The following ATP8B1 variants were observed in gnomAD, a reference collection of about 807,000 sequenced individuals.
ATP8B1 encodes phospholipid-transporting ATPase IC.
In ATP8B1, 80 loss-of-function variants were observed where a neutral mutation model predicts 149.9. The ratio of observed to expected loss-of-function variants is 0.53; its 90% CI spans 0.45 to 0.64. ATP8B1 has a LOEUF of 0.64. Ranked by LOEUF, ATP8B1 falls within the 30% of genes least tolerant of loss-of-function variation. The pLI is 0.00. For missense variants in ATP8B1, 1,247 were observed against 1,552.6 expected, an observed-to-expected ratio of 0.80 and a Z score of 3.31; for synonymous variants, 536 against 562.8, an observed-to-expected ratio of 0.95 and a Z score of 0.67.
At chr18:57,785,973 A>T (rs2080404479) in intron 1 of ATP8B1, among the ~76,000 whole-genome samples, 1 of 152,188 alleles carries the variant, frequency 6.6e-6, no homozygotes, top group African/African-American at 2.4e-5. Flanking sequence ...AACAGCCAAC[A>T]ATTATTGGTT....
intron 1 of ATP8B1, 111 bp from the exon 2 acceptor site, chr18:57,731,943 A>ACCCCCAAATTCTGG: frequency 9.6e-7 from 1 of 1,045,938 alleles, no homozygotes; most frequent in Non-Finnish European, 1.5e-6. Context: ...TCTAACATGT[A>ACCCCCAAATTCTGG]AATATTCTGG....
At chr18:57,665,095 T>C (rs529527402) in intron 20 of ATP8B1, among the ~76,000 whole-genome samples, 77 of 151,860 alleles carry the variant, frequency 5.1e-4, no homozygotes, top group African/African-American at 1.8e-3. Context: ...TGCCAAAGGG[T>C]CCCTGGAAGG....
chr18:57,727,587 G>A (rs377154995), intron 2 of ATP8B1, among the ~76,000 whole-genome samples: 1 of 152,070 alleles, frequency 6.6e-6, no homozygotes, highest in Non-Finnish European at 1.5e-5. Flanking sequence ...TCAGGAGATC[G>A]AGACCATCCT....
Position 57,752,837 on chromosome 18 carries a change from C to T in ATP8B1, c.-25-21005G>A, listed in dbSNP as rs533341003. 2.0e-5 allele frequency among the ~76,000 whole-genome samples: 3 copies of T among 152,284 alleles called. No homozygotes were observed. In the East Asian group the frequency reaches 5.8e-4, roughly 29 times the overall value. On this transcript the variant is annotated intron_variant, in intron 1 of 27. Transcript: ENST00000648908. Reference sequence around the variant, plus strand: ...TCTGCAATAGCTCCATTGCCCAGAACAGCATGTAACACACAGTAGAACTTT... The same window carrying T: ...TCTGCAATAGCTCCATTGCCCAGAATAGCATGTAACACACAGTAGAACTTT...
intron 1 of ATP8B1, among the ~76,000 whole-genome samples, chr18:57,790,341 A>G (rs1230842319): frequency 8.5e-6 from 1 of 117,932 alleles, no homozygotes; most frequent in Non-Finnish European, 1.7e-5. Context: ...CCCATTCCCC[A>G]TATCGCAGTC....
chr18:57,648,786 A>AGAAAT, intron 27 of ATP8B1, 74 bp from the exon 28 acceptor site: 1 of 1,447,732 alleles, frequency 6.9e-7, no homozygotes, highest in Non-Finnish European at 9.4e-7. Flanking sequence ...GACGGTTGAC[A>AGAAAT]GAAATGAACA....
chr18:57,659,525 G>A (rs1910249531), intron 22 of ATP8B1, among the ~76,000 whole-genome samples: 1 of 152,028 alleles, frequency 6.6e-6, no homozygotes, highest in Admixed American at 6.6e-5. Flanking sequence ...TGTTTGACTT[G>A]TCCTTTTGGC....
intron 1 of ATP8B1, among the ~76,000 whole-genome samples, chr18:57,789,052 C>T (rs541903184): frequency 6.6e-6 from 1 of 152,206 alleles, no homozygotes; most frequent in Non-Finnish European, 1.5e-5. Context: ...ATTTTGTGTT[C>T]CAAGAGTTCA....
At chr18:57,715,134 T>G (rs969059685) in intron 2 of ATP8B1, among the ~76,000 whole-genome samples, 1 of 152,078 alleles carries the variant, frequency 6.6e-6, no homozygotes, top group Admixed American at 6.6e-5. Flanking sequence ...CAGAAAAAGT[T>G]TAGAATTCTA....
At chr18:57,719,751 G>A (rs1305016176) in intron 2 of ATP8B1, among the ~76,000 whole-genome samples, 2 of 152,218 alleles carry the variant, frequency 1.3e-5, no homozygotes, top group African/African-American at 4.8e-5. Context: ...ACTGGGTGGA[G>A]CCCACCACAG....
chr18:57,684,936 A>G lies in ATP8B1; in HGVS notation c.1473+136T>C, dbSNP rs1912157777. 6 of 1,117,058 alleles carry G rather than the reference A, an allele frequency of 5.4e-6. No homozygotes were observed. The South Asian group carries it at 6.4e-5, about 12-fold the overall frequency. 69.2% of individuals were successfully genotyped at this position (1,117,058 alleles called of 1,614,324 possible). On this transcript the variant is annotated intron_variant, in intron 14 of 27. Transcript: ENST00000648908. ...CCAAGTCTCCAAGCCAAGGAACACC[A>G]AGGACTGTGGGCAACCACCAGGAGC... is the stretch of plus-strand genomic sequence containing the variant.
At chr18:57,732,253 GTATATATGTGTATATA>G (rs1568044266) in intron 1 of ATP8B1, among the ~76,000 whole-genome samples, 14 of 18,080 alleles carry the variant, frequency 7.7e-4, no homozygotes, top group Non-Finnish European at 1.4e-3. Flanking sequence ...ATGTATATAT[GTATATATGTGTATATA>G]TGTATATATG....
chr18:57,661,356 A>G lies in ATP8B1; in HGVS notation c.2525T>C (p.Leu842Pro), dbSNP rs1910389910. The G allele has an allele frequency of 4.3e-6, 7 of 1,613,882 alleles. No homozygotes were observed. The highest frequency in any genetic ancestry group is 5.1e-6 in the Non-Finnish European group (6 of 1,180,004). The change falls in exon 22 of 28, where the codon CTA becomes CCA. Residue 842 changes from leucine to proline, a missense_variant. Leu to Pro is a moderately conservative substitution (Grantham distance 98). This residue lies in a region of ATP8B1 where 853 missense variants were observed against 1,035.7 expected (regional missense o/e 0.82). Coordinates refer to ENST00000648908, the MANE Select transcript of ATP8B1 (RefSeq NM_001374385.1). The stretch of plus-strand genomic sequence containing the variant: ...CTGCCGCTGCTCTTTCTTAGCTTCT[A>G]GCCTCCTTTTACTTTGGGTCCGCAT... The part of the protein sequence containing the change: ...RRMRTQSKRR[L>P]EAKKEQRQKN...
At chr18:57,698,259 C>A (rs1912927109) in intron 6 of ATP8B1, among the ~76,000 whole-genome samples, 2 of 152,224 alleles carry the variant, frequency 1.3e-5, no homozygotes, top group African/African-American at 2.4e-5. Flanking sequence ...TACATTATGG[C>A]ACCCACCTGG....
At position 57,647,568 on chromosome 18, in the gene ATP8B1, G is replaced by A. The variant is rs1232948187; in HGVS notation, c.*920C>T. The A allele has an allele frequency of 1.3e-5, 2 of 152,496 alleles. No individual in the cohort carries two copies. Among genetic ancestry groups the A allele is most frequent in the African/African-American group, 4.8e-5 (2 of 41,424 alleles). 9.4% of individuals were successfully genotyped at this position (152,496 alleles called of 1,614,324 possible). On this transcript the variant is annotated 3_prime_UTR_variant, in exon 28 of 28. Transcript: ENST00000648908. ...ATAGGGAGGAAAAAGGGGCCTCTGGGAAATTATGCTGAAGATCACCGAAAG... is the reference window on the plus strand; with the variant it reads ...ATAGGGAGGAAAAAGGGGCCTCTGGAAAATTATGCTGAAGATCACCGAAAG...
chr18:57,720,720 C>T (rs934408704), intron 2 of ATP8B1, among the ~76,000 whole-genome samples: 1 of 125,850 alleles, frequency 7.9e-6, no homozygotes, highest in African/African-American at 3.0e-5. Context: ...GGCAGGCCAA[C>T]GTTCAGATTC....
At chr18:57,695,671 C>T (rs1912773679) in intron 8 of ATP8B1, 139 bp from the exon 9 acceptor site, 1 of 740,032 alleles carries the variant, frequency 1.4e-6, no homozygotes, top group African/African-American at 1.8e-5. Context: ...ACTCTGTTCA[C>T]CTTGGAACTT....
chr18:57,673,615 CAT>C (rs1217631171), intron 16 of ATP8B1, among the ~76,000 whole-genome samples: 1 of 150,916 alleles, frequency 6.6e-6, no homozygotes, highest in Non-Finnish European at 1.5e-5. Context: ...TGTGTGTGTA[CAT>C]ATATATGTGT....
At chr18:57,701,154 G>T (rs1913099995) in intron 5 of ATP8B1, 54 bp from the exon 6 acceptor site, 1 of 1,611,668 alleles carries the variant, frequency 6.2e-7, no homozygotes, top group African/African-American at 1.3e-5. Context: ...AGAGAAGGAA[G>T]GCACGAGAAC....
Sources: gnomAD v4.1 joint callset for allele counts (sites outside exome capture counted in the v4.1 genomes callset) on GRCh38, gnomAD v4.1.1 for gene constraint, gnomAD v4.1.1 regional missense constraint, MANE v1.5 for transcripts, NCBI Gene and HGNC (gene_info 2026-07-23, HGNC 2026-07-21) for gene names.